The following FSTL4 variants were observed in gnomAD, a reference collection of about 807,000 sequenced individuals.
The protein encoded by FSTL4 is follistatin like 4, also known as follistatin-related protein 4.
FSTL4 carries 28 observed loss-of-function variants against 78.2 expected under a neutral mutation model. That is an observed-to-expected ratio of 0.36 (90% CI 0.27 to 0.49). The LOEUF (loss-of-function observed/expected upper bound fraction) is 0.49, where lower values mean the gene tolerates loss of function less well. Among genes scored for constraint, FSTL4 ranks in the 20% least tolerant of loss-of-function variants. The pLI is 0.98. For missense variants in FSTL4, 922 were observed against 1,084.9 expected, an observed-to-expected ratio of 0.85 and a Z score of 2.11; for synonymous variants, 422 against 440.5, an observed-to-expected ratio of 0.96 and a Z score of 0.53.
the FSTL4 span, among the ~76,000 whole-genome samples, chr5:133,804,409 C>A: frequency 6.6e-6 from 1 of 152,174 alleles, no homozygotes; most frequent in Admixed American, 6.5e-5. Context: ...GAAAACCCGG[C>A]AAACCCTTAT....
the FSTL4 span, among the ~76,000 whole-genome samples, chr5:133,799,464 C>A: frequency 7.2e-6 from 1 of 138,704 alleles, no homozygotes; most frequent in Non-Finnish European, 1.6e-5. Flanking sequence ...CTTCTCATCT[C>A]CATACCTCCG....
chr5:133,356,921 G>A (rs982025064), intron 4 of FSTL4, among the ~76,000 whole-genome samples: 98 of 152,224 alleles, frequency 6.4e-4, no homozygotes, highest in African/African-American at 2.3e-3. Context: ...GCTGGAGGCT[G>A]AGCTGGTAAA....
intron 4 of FSTL4, among the ~76,000 whole-genome samples, chr5:133,365,900 C>T (rs1755172575): frequency 6.6e-6 from 1 of 152,194 alleles, no homozygotes; most frequent in African/African-American, 2.4e-5. Context: ...CTGCAAGCCT[C>T]ACGACTGGCA....
At chr5:133,441,276 T>C (rs185424380) in intron 3 of FSTL4, among the ~76,000 whole-genome samples, 207 of 152,182 alleles carry the variant, frequency 1.4e-3, no homozygotes, top group African/African-American at 4.8e-3. Flanking sequence ...CTCTTGCTCA[T>C]TGTTGGTTGA....
chr5:133,227,221 T>C (rs545981373), intron 8 of FSTL4, among the ~76,000 whole-genome samples: 13 of 152,330 alleles, frequency 8.5e-5, no homozygotes, highest in African/African-American at 2.6e-4. Context: ...GCCTCAGTTT[T>C]TCTTTGTTTG....
At chr5:133,331,415 T>C (rs925995513) in intron 4 of FSTL4, among the ~76,000 whole-genome samples, 1 of 152,182 alleles carries the variant, frequency 6.6e-6, no homozygotes, top group Non-Finnish European at 1.5e-5. Flanking sequence ...GTGCCTGGAC[T>C]GCAAATCAAT....
intron 3 of FSTL4, among the ~76,000 whole-genome samples, chr5:133,482,545 G>A (rs1420286863): frequency 6.6e-6 from 1 of 152,196 alleles, no homozygotes; most frequent in African/African-American, 2.4e-5. Flanking sequence ...CCTTGCCCAT[G>A]GTGCACTTCT....
chr5:133,324,833 T>C (rs913573508), intron 4 of FSTL4, among the ~76,000 whole-genome samples: 1 of 152,246 alleles, frequency 6.6e-6, no homozygotes, highest in Non-Finnish European at 1.5e-5. Flanking sequence ...AGGGGGCTAG[T>C]GCCTGTGTCA....
chr5:133,199,449 C>T lies in FSTL4; in HGVS notation c.2175G>A (p.Leu725=). ...EITVRGEIQT[L]YDLQINSGIS... is the part of the protein sequence containing the mutation. ...TGCCCGAGTTTATTTGCAGGTCATACAGGGTCTGGATCTCGCCCCGCACTG... is the reference window on the plus strand; with the variant it reads ...TGCCCGAGTTTATTTGCAGGTCATATAGGGTCTGGATCTCGCCCCGCACTG... The change falls in exon 16 of 16, where the codon CTG becomes CTA. Residue 725 remains leucine, a synonymous_variant. Coordinates refer to ENST00000265342, the MANE Select transcript of FSTL4 (RefSeq NM_015082.2). The surrounding 1 kb of genome is among the most constrained non-coding windows in gnomAD (Gnocchi z 4.4). The T allele has an allele frequency of 6.2e-7, 1 of 1,614,206 alleles. No homozygotes were observed. The highest frequency in any genetic ancestry group is 8.5e-7 in the Non-Finnish European group (1 of 1,180,010).
At chr5:133,703,277 C>G in the FSTL4 span, among the ~76,000 whole-genome samples, 1 of 152,178 alleles carries the variant, frequency 6.6e-6, no homozygotes, top group African/African-American at 2.4e-5. Context: ...TTAGCTGTGG[C>G]AGAATACTAC....
chr5:133,372,115 C>T (rs1196866445), intron 4 of FSTL4, among the ~76,000 whole-genome samples: 1 of 152,256 alleles, frequency 6.6e-6, no homozygotes, highest in Non-Finnish European at 1.5e-5. Flanking sequence ...CCTCATCAAA[C>T]TTCCAGGTAA....
the FSTL4 span, among the ~76,000 whole-genome samples, chr5:133,696,382 C>CTACTCT: frequency 1.3e-5 from 2 of 152,384 alleles, no homozygotes; most frequent in South Asian, 4.1e-4. Context: ...ACCAGCCTTC[C>CTACTCT]TGCAGGTCCT....
the FSTL4 span, among the ~76,000 whole-genome samples, chr5:133,653,551 A>AT: frequency 6.6e-6 from 1 of 152,194 alleles, no homozygotes; most frequent in African/African-American, 2.4e-5. Flanking sequence ...TCGGCAGGAA[A>AT]TGAGTTCTTT....
chr5:133,514,912 A>G (rs182994754), intron 3 of FSTL4, among the ~76,000 whole-genome samples: 3 of 152,340 alleles, frequency 2.0e-5, no homozygotes, highest in African/African-American at 7.2e-5. Context: ...GCTCGTCTTT[A>G]CTATATAAAA....
At chr5:133,372,217 C>CTATCTACG (rs1755321951) in intron 4 of FSTL4, among the ~76,000 whole-genome samples, 1 of 147,886 alleles carries the variant, frequency 6.8e-6, no homozygotes, top group African/African-American at 2.5e-5. Context: ...GGGGAATTAT[C>CTATCTACG]TATCTATGTA....
intron 3 of FSTL4, among the ~76,000 whole-genome samples, chr5:133,424,743 C>T (rs1051344984): frequency 1.3e-5 from 2 of 152,176 alleles, no homozygotes; most frequent in East Asian, 1.9e-4. Flanking sequence ...CTAAATACCA[C>T]GTAAAGGAGA....
intron 3 of FSTL4, among the ~76,000 whole-genome samples, chr5:133,566,552 C>T (rs1201584931): frequency 6.6e-6 from 1 of 152,076 alleles, no homozygotes; most frequent in African/African-American, 2.4e-5. Context: ...AAAGGCATCC[C>T]TTATTAGAGA....
chr5:133,332,576 G>C lies in FSTL4; in HGVS notation c.410-15924C>G, dbSNP rs371704723. ...GAGCCCTATGCACCTGTGTCCCTGT[G>C]GATATGGTGCAGATCACGTGTCACA... On this transcript the variant is annotated intron_variant, in intron 4 of 15. Transcript: ENST00000265342. Among the ~76,000 whole-genome samples the C allele has an allele frequency of 2.6e-5, 4 of 152,342 alleles. No homozygotes were observed. In the South Asian group the frequency reaches 8.3e-4, roughly 32 times the overall value.
intron 3 of FSTL4, among the ~76,000 whole-genome samples, chr5:133,436,173 C>T (rs1757028142): frequency 6.6e-6 from 1 of 152,216 alleles, no homozygotes; most frequent in East Asian, 1.9e-4. Flanking sequence ...TGTAAAATTA[C>T]AATGGTGGCC....
Sources: gnomAD v4.1 joint callset for allele counts (sites outside exome capture counted in the v4.1 genomes callset) on GRCh38, gnomAD v4.1.1 for gene constraint, Gnocchi (gnomAD v3.1) non-coding constraint, MANE v1.5 for transcripts, NCBI Gene and HGNC (gene_info 2026-07-23, HGNC 2026-07-21) for gene names.